The following TAFA5 variants were observed in gnomAD, a reference collection of about 807,000 sequenced individuals.
TAFA5 encodes the protein chemokine-like protein TAFA-5.
In TAFA5, 6 loss-of-function variants were observed where a neutral mutation model predicts 15.3. That is an observed-to-expected ratio of 0.39 (90% CI 0.21 to 0.77). The LOEUF (loss-of-function observed/expected upper bound fraction) is 0.77, where lower values mean the gene tolerates loss of function less well. Among genes scored for constraint, TAFA5 ranks in the 30% least tolerant of loss-of-function variants. The pLI is 0.41. For synonymous variants in TAFA5, 103 were observed against 80.7 expected, an observed-to-expected ratio of 1.28 and a Z score of -1.48; for missense variants, 161 against 193.1, an observed-to-expected ratio of 0.83 and a Z score of 0.98.
At chr22:48,618,017 A>G (rs1291748681) in intron 1 of TAFA5, among the ~76,000 whole-genome samples, 1 of 152,198 alleles carries the variant, frequency 6.6e-6, no homozygotes, top group Non-Finnish European at 1.5e-5. Flanking sequence ...GCCACTGGTA[A>G]GTGGCACACT....
intron 1 of TAFA5, among the ~76,000 whole-genome samples, chr22:48,594,029 G>T (rs1383500388): frequency 1.3e-5 from 2 of 152,240 alleles, no homozygotes; most frequent in Non-Finnish European, 2.9e-5. Flanking sequence ...GACCCATTGT[G>T]ATAAATGCCA....
chr22:48,701,911 C>T (rs774278603), intron 2 of TAFA5, among the ~76,000 whole-genome samples: 27 of 152,336 alleles, frequency 1.8e-4, no homozygotes, highest in East Asian at 9.7e-4. Context: ...CTAGGTGCAG[C>T]GGCTGCGTCA....
intron 3 of TAFA5, among the ~76,000 whole-genome samples, chr22:48,724,215 G>A (rs1929652638): frequency 6.6e-6 from 1 of 152,224 alleles, no homozygotes; most frequent in African/African-American, 2.4e-5. Flanking sequence ...GAGAGACTCA[G>A]GGTACTGCTT....
intron 1 of TAFA5, among the ~76,000 whole-genome samples, chr22:48,569,080 C>CA (rs1454734361): frequency 1.3e-5 from 2 of 152,044 alleles, no homozygotes; most frequent in African/African-American, 4.8e-5. Flanking sequence ...CAGGAACCCT[C>CA]ACTGGCCGTG....
intron 3 of TAFA5, among the ~76,000 whole-genome samples, chr22:48,719,868 A>C (rs738700): frequency 0.076 from 11,527 of 152,216 alleles, 509 homozygotes; most frequent in Admixed American, 0.096. Context: ...CTAGTATTGT[A>C]AGCAGTGACA....
chr22:48,672,647 C>G (rs546487504), intron 2 of TAFA5, among the ~76,000 whole-genome samples: 1 of 152,296 alleles, frequency 6.6e-6, no homozygotes, highest in African/African-American at 2.4e-5. Context: ...ATACCTCACT[C>G]CTTTGCTCAT....
intron 1 of TAFA5, among the ~76,000 whole-genome samples, chr22:48,624,034 C>T (rs2147184469): frequency 6.6e-6 from 1 of 152,300 alleles, no homozygotes; most frequent in African/African-American, 2.4e-5. Context: ...CATCCAGGAT[C>T]CCACGTGGTA....
rs1045776500 is a variant in TAFA5, at chr22:48,530,090, G to A, written c.112+40386G>A. The stretch of plus-strand genomic sequence containing the variant: ...TGTGGGGCTGGGCTGAGTAGGGTGA[G>A]GGAAGCCCTGGCGTCTGCAGACCCT... On this transcript the variant is annotated intron_variant, in intron 1 of 3. Coordinates refer to ENST00000402357, the MANE Select transcript of TAFA5 (RefSeq NM_001082967.3). The surrounding 1 kb of genome is among the most constrained non-coding windows in gnomAD (Gnocchi z 6.0). 6.6e-6 allele frequency among the ~76,000 whole-genome samples: 1 copy of A among 152,128 alleles called. No homozygotes were observed. The highest frequency in any genetic ancestry group is 1.5e-5 in the Non-Finnish European group (1 of 68,006).
At chr22:48,745,365 G>A (rs920458058) in intron 3 of TAFA5, among the ~76,000 whole-genome samples, 14 of 149,538 alleles carry the variant, frequency 9.4e-5, no homozygotes, top group Non-Finnish European at 1.9e-4. Flanking sequence ...CTTTGTCGTC[G>A]GCGGCTGGCC....
intron 3 of TAFA5, among the ~76,000 whole-genome samples, chr22:48,732,710 C>G (rs989291935): frequency 6.6e-6 from 1 of 152,188 alleles, no homozygotes; most frequent in African/African-American, 2.4e-5. Context: ...AAGTTCTTCT[C>G]TAGTTAAAAT....
intron 3 of TAFA5, among the ~76,000 whole-genome samples, chr22:48,711,325 T>A (rs1929246450): frequency 6.6e-6 from 1 of 151,608 alleles, no homozygotes; most frequent in South Asian, 2.1e-4. Context: ...CATGTTGCTA[T>A]GGCGGGGGCA....
At chr22:48,692,567 C>G (rs904971940) in intron 2 of TAFA5, among the ~76,000 whole-genome samples, 1 of 152,122 alleles carries the variant, frequency 6.6e-6, no homozygotes, top group African/African-American at 2.4e-5. Flanking sequence ...CCTGCCCTTA[C>G]CTGGTTTTTG....
chr22:48,542,168 G>T (rs955543339), intron 1 of TAFA5, among the ~76,000 whole-genome samples: 2 of 147,218 alleles, frequency 1.4e-5, no homozygotes, highest in African/African-American at 5.1e-5. Context: ...GGGTGTGTGT[G>T]CATGTGTGAT....
chr22:48,585,441 C>T (rs1228882690), intron 1 of TAFA5, among the ~76,000 whole-genome samples: 2 of 146,730 alleles, frequency 1.4e-5, no homozygotes, highest in African/African-American at 5.1e-5. Context: ...ACACACATGC[C>T]ACATCCCACA....
intron 1 of TAFA5, among the ~76,000 whole-genome samples, chr22:48,522,387 G>A (rs971049370): frequency 6.6e-6 from 1 of 152,072 alleles, no homozygotes; most frequent in African/African-American, 2.4e-5. Context: ...CAGGTCCGGA[G>A]GCGGCCACCT....
At chr22:48,684,412 C>T (rs148559075) in intron 2 of TAFA5, among the ~76,000 whole-genome samples, 95 of 152,250 alleles carry the variant, frequency 6.2e-4, no homozygotes, top group Non-Finnish European at 1.1e-3. Context: ...TGACTCAGAA[C>T]TCCCAGCAGC....
In TAFA5 at chr22:48,743,690, G is replaced by A. The variant is rs61114172; in HGVS notation, c.391-6149G>A. On this transcript the variant is annotated intron_variant, in intron 3 of 3. Coordinates refer to ENST00000402357, the MANE Select transcript of TAFA5 (RefSeq NM_001082967.3). ...GAGCTGGGCCCCGCCGTGGGCAGCCGAGGCGCTGACGTCTCTGATGTCCAA... is the reference window on the plus strand; with the variant it reads ...GAGCTGGGCCCCGCCGTGGGCAGCCAAGGCGCTGACGTCTCTGATGTCCAA... Among the ~76,000 whole-genome samples, 640 of 152,310 alleles carry A rather than the reference G, an allele frequency of 4.2e-3. 5 individuals carry two copies. The highest frequency in any genetic ancestry group is 0.015 in the African/African-American group (606 of 41,574).
At chr22:48,617,224 G>A (rs1344693346) in intron 1 of TAFA5, among the ~76,000 whole-genome samples, 1 of 152,150 alleles carries the variant, frequency 6.6e-6, no homozygotes, top group Non-Finnish European at 1.5e-5. Flanking sequence ...GCAGTCACAG[G>A]CGTCCTGGGA....
Position 48,695,295 on chromosome 22 carries a change from G to C in TAFA5, c.263-12422G>C, listed in dbSNP as rs9617499. Among the ~76,000 whole-genome samples the C allele has an allele frequency of 5.8e-3, 888 of 152,286 alleles. 7 individuals carry two copies. Among genetic ancestry groups the C allele is most frequent in the Non-Finnish European group, 0.01 (699 of 68,026 alleles). ...ACTCGAGGGACACTCTTCTGGGTGA[G>C]ACACTGCCAGGGAGAGCAGCCTCCC... is the stretch of plus-strand genomic sequence containing the variant. On this transcript the variant is annotated intron_variant, in intron 2 of 3. Transcript: ENST00000402357.
Sources: allele counts gnomAD v4.1 joint callset (sites outside exome capture counted in the v4.1 genomes callset), GRCh38; gene constraint gnomAD v4.1.1; non-coding constraint Gnocchi (gnomAD v3.1); transcripts MANE v1.5; gene names NCBI Gene and HGNC (gene_info 2026-07-23, HGNC 2026-07-21).